CRCP: variants seen among roughly 807,000 people sequenced by gnomAD.
CRCP encodes DNA-directed RNA polymerase III subunit RPC9.
In CRCP, 18 loss-of-function variants were observed where a neutral mutation model predicts 18.5. The observed-to-expected ratio is 0.97, with a 90% confidence interval of 0.67 to 1.44. The LOEUF (loss-of-function observed/expected upper bound fraction) is 1.44. Among genes scored for constraint, CRCP ranks in the 40% most tolerant of loss-of-function variants. The pLI is 0.00. For synonymous variants in CRCP, 53 were observed against 62.9 expected, an observed-to-expected ratio of 0.84 and a Z score of 0.75; for missense variants, 130 against 176.4, an observed-to-expected ratio of 0.74 and a Z score of 1.49.
chr7:66,137,318 T>C (rs950908434), intron 4 of CRCP, among the ~76,000 whole-genome samples: 7 of 152,242 alleles, frequency 4.6e-5, no homozygotes, highest in African/African-American at 1.4e-4. Context: ...CCCTCCAGCC[T>C]TGATAAATCC....
chr7:66,130,982 G>A (rs924035790), intron 3 of CRCP, 140 bp downstream of exon 3: 2 of 610,204 alleles, frequency 3.3e-6, no homozygotes, highest in Non-Finnish European at 5.9e-6. Context: ...TTGTTTGTTT[G>A]TTTGTTTTTT....
chr7:66,135,928 A>G (rs1787959646), intron 4 of CRCP, among the ~76,000 whole-genome samples: 1 of 152,196 alleles, frequency 6.6e-6, no homozygotes, highest in African/African-American at 2.4e-5. Flanking sequence ...TCTCAAAAAA[A>G]AAAAAAAATC....
rs566691601 is a variant in CRCP at position 66,144,039 on chromosome 7, C to T, written c.240-1404C>T. 3.3e-5 allele frequency among the ~76,000 whole-genome samples: 5 copies of T among 152,230 alleles called. No individual in the cohort carries two copies. In the East Asian group the frequency reaches 7.7e-4, roughly 23 times the overall value. On this transcript the variant is annotated intron_variant, in intron 4 of 5. Transcript: ENST00000395326. Reference sequence around the variant, plus strand: ...TTTTCACTCCAGAAGGTCTTTAATGCGATAAATACTTACTGAGCTGATTGG... The same window carrying T: ...TTTTCACTCCAGAAGGTCTTTAATGTGATAAATACTTACTGAGCTGATTGG...
At chr7:66,123,213 C>A (rs1787503912) in intron 1 of CRCP, among the ~76,000 whole-genome samples, 1 of 152,068 alleles carries the variant, frequency 6.6e-6, no homozygotes, top group African/African-American at 2.4e-5. Context: ...CTTGGCCTCC[C>A]AAAGTGCCGG....
chr7:66,122,149 G>T (rs1787460134), intron 1 of CRCP, among the ~76,000 whole-genome samples: 1 of 152,122 alleles, frequency 6.6e-6, no homozygotes, highest in Non-Finnish European at 1.5e-5. Context: ...GCCGAGGTGG[G>T]TGGATCACAA....
At chr7:66,150,999 T>C (rs914281851) in intron 5 of CRCP, 2 of 152,048 alleles carry the variant, frequency 1.3e-5, no homozygotes, top group East Asian at 1.9e-4. Flanking sequence ...AGAAACCAGG[T>C]TTTATGTGGA....
At chr7:66,131,119 C>T (rs1191197507) in intron 3 of CRCP, among the ~76,000 whole-genome samples, 2 of 152,040 alleles carry the variant, frequency 1.3e-5, no homozygotes, top group Non-Finnish European at 2.9e-5. Context: ...GGACTGCAGG[C>T]GCCCTCCACC....
chr7:66,123,487 G>A (rs1369977749), intron 1 of CRCP, among the ~76,000 whole-genome samples: 1 of 152,064 alleles, frequency 6.6e-6, no homozygotes, highest in Non-Finnish European at 1.5e-5. Context: ...GGTGGCTCAC[G>A]CCTGTAATCC....
intron 1 of CRCP, among the ~76,000 whole-genome samples, chr7:66,123,232 G>A (rs1268931447): frequency 1.3e-5 from 2 of 152,132 alleles, no homozygotes; most frequent in Admixed American, 1.3e-4. Flanking sequence ...GGGATTACAG[G>A]TGTGAGCCAC....
At chr7:66,148,609 T>C (rs183946418) in intron 5 of CRCP, among the ~76,000 whole-genome samples, 1 of 152,292 alleles carries the variant, frequency 6.6e-6, no homozygotes, top group East Asian at 1.9e-4. Context: ...GCCTGCTGAC[T>C]CAGAGGCTCG....
intron 1 of CRCP, chr7:66,126,549 A>G (rs1386836880): frequency 5.4e-6 from 2 of 367,772 alleles, no homozygotes; most frequent in Admixed American, 3.2e-5. Flanking sequence ...TCTGCAGAGT[A>G]GGAATCATAC....
At chr7:66,139,034 C>T (rs1041709078) in intron 4 of CRCP, among the ~76,000 whole-genome samples, 7 of 152,122 alleles carry the variant, frequency 4.6e-5, no homozygotes, top group African/African-American at 1.4e-4. Context: ...ACTGGTAAAC[C>T]TCTGATACTG....
intron 2 of CRCP, among the ~76,000 whole-genome samples, chr7:66,129,116 G>A (rs62467451): frequency 0.64 from 97,749 of 151,912 alleles, 31,898 homozygotes; most frequent in African/African-American, 0.74. Context: ...GGCGGATCAC[G>A]AGGTCAGGAG....
At chr7:66,141,823 A>T (rs1788148123) in intron 4 of CRCP, among the ~76,000 whole-genome samples, 1 of 152,086 alleles carries the variant, frequency 6.6e-6, no homozygotes, top group African/African-American at 2.4e-5. Flanking sequence ...GAGACAATGA[A>T]AGTGGCTTGG....
chr7:66,133,381 G>A (rs1008246397), intron 3 of CRCP, among the ~76,000 whole-genome samples: 9 of 151,926 alleles, frequency 5.9e-5, no homozygotes, highest in Admixed American at 5.2e-4. Context: ...GGTGGCAGGC[G>A]CCTGTAGTCC....
chr7:66,118,956 G>C (rs1442152047), intron 1 of CRCP, among the ~76,000 whole-genome samples: 5 of 152,188 alleles, frequency 3.3e-5, no homozygotes, highest in Non-Finnish European at 7.3e-5. Flanking sequence ...AGCTCTGTCT[G>C]TCTCTTGCCC....
chr7:66,117,299 T>C (rs1487547144), intron 1 of CRCP, among the ~76,000 whole-genome samples: 3 of 152,140 alleles, frequency 2.0e-5, no homozygotes, highest in Admixed American at 2.0e-4. Context: ...TTCAGTGTCC[T>C]TCCCTGGGTC....
At chr7:66,129,065 G>A (rs887524085) in intron 2 of CRCP, among the ~76,000 whole-genome samples, 14 of 152,266 alleles carry the variant, frequency 9.2e-5, no homozygotes, top group African/African-American at 3.1e-4. Flanking sequence ...CGGGCGCGGT[G>A]TCTCACGCCT....
intron 1 of CRCP, among the ~76,000 whole-genome samples, chr7:66,122,176 C>A (rs924026710): frequency 6.6e-6 from 1 of 152,012 alleles, no homozygotes; most frequent in Non-Finnish European, 1.5e-5. Context: ...GAGATCAAGA[C>A]CATCCTGGCT....
Sources: allele counts gnomAD v4.1 joint callset (sites outside exome capture counted in the v4.1 genomes callset), GRCh38; gene constraint gnomAD v4.1.1; transcripts MANE v1.5; gene names NCBI Gene and HGNC (gene_info 2026-07-23, HGNC 2026-07-21).